Variants in SAGE1 observed in about 807,000 individuals in gnomAD.
SAGE1 encodes sarcoma antigen 1.
In SAGE1, 55 loss-of-function variants were observed where a neutral mutation model predicts 55.4. The observed-to-expected ratio is 0.99, with a 90% CI of 0.80 to 1.24. The LOEUF is 1.24. Ranked by LOEUF, SAGE1 falls within the 50% of genes most tolerant of loss-of-function variation. The probability of loss-of-function intolerance (pLI) is 0.00; values close to 1 mark genes in which losing one functional copy is unlikely to be tolerated. For missense variants in SAGE1, 710 were observed against 704.4 expected, an observed-to-expected ratio of 1.01 and a Z score of -0.09; for synonymous variants, 240 against 244.3, an observed-to-expected ratio of 0.98 and a Z score of 0.17.
chrX:135,911,981 G>A, intron 18 of SAGE1, 28 bp downstream of exon 18: 1 of 1,199,236 alleles, frequency 8.3e-7, no homozygotes, highest in Non-Finnish European at 1.1e-6. Flanking sequence ...GTCTATCAAT[G>A]AAAGCATGAG....
At chrX:135,898,347 T>C (rs1428225781) in intron 2 of SAGE1, among the ~76,000 whole-genome samples, 1 of 112,689 alleles carries the variant, frequency 8.9e-6, no homozygotes, top group African/African-American at 3.2e-5. Flanking sequence ...GGCTGCATAG[T>C]ATTCCGTGGT....
At chrX:135,912,744 T>C in intron 19 of SAGE1, 54 bp from the exon 20 acceptor site, 1 of 1,186,010 alleles carries the variant, frequency 8.4e-7, no homozygotes, top group Non-Finnish European at 1.1e-6. Context: ...ACCTCTTACA[T>C]CTCATAGATC....
intron 2 of SAGE1, 109 bp from the exon 3 acceptor site, chrX:135,901,450 A>G (rs1219361683): frequency 3.7e-6 from 3 of 807,166 alleles, no homozygotes; most frequent in East Asian, 3.3e-5. Context: ...ACCTGTGACT[A>G]AAACTTACAT....
rs782814819 is a variant in SAGE1, at chrX:135,899,435, C to T, written c.88-2124C>T. 2.7e-5 allele frequency among the ~76,000 whole-genome samples: 3 copies of T among 112,092 alleles called. No homozygotes were observed. The South Asian group carries it at 1.1e-3, about 42-fold the overall frequency. On this transcript the variant is annotated intron_variant, in intron 2 of 19. Transcript: ENST00000370709. ...TTGAAGTTAGGTAGCGTGATGCCTC[C>T]AGCTTTGTTCTTATTGCTTAGGATT... is the stretch of plus-strand genomic sequence containing the variant.
chrX:135,912,267 A>G, intron 18 of SAGE1, 54 bp from the exon 19 acceptor site: 2 of 1,169,342 alleles, frequency 1.7e-6, no homozygotes, highest in Non-Finnish European at 2.3e-6. Context: ...ACTAAGATTG[A>G]GGTATATTTC....
intron 1 of SAGE1, among the ~76,000 whole-genome samples, chrX:135,895,331 T>C (rs2088569300): frequency 8.9e-6 from 1 of 112,043 alleles, no homozygotes; most frequent in African/African-American, 3.2e-5. Flanking sequence ...TTGGCAACAG[T>C]TTACAAACCC....
intron 2 of SAGE1, among the ~76,000 whole-genome samples, chrX:135,898,720 G>GTTT (rs1556595063): frequency 3.6e-5 from 4 of 112,043 alleles, no homozygotes; most frequent in Non-Finnish European, 7.5e-5. Context: ...TTGTGGTTTC[G>GTTT]AGTTGCATTT....
intron 4 of SAGE1, 41 bp downstream of exon 4, chrX:135,904,610 A>AGATCTGTGTATGTC (rs782565736): frequency 4.5e-5 from 40 of 895,628 alleles, no homozygotes; most frequent in Admixed American, 1.1e-4. Context: ...TGAGTATGAA[A>AGATCTGTGTATGTC]TTCATCCATG....
intron 2 of SAGE1, among the ~76,000 whole-genome samples, chrX:135,897,291 C>G (rs1275057415): frequency 1.7e-4 from 19 of 112,546 alleles, no homozygotes; most frequent in Non-Finnish European, 2.8e-4. Flanking sequence ...TGCATCTGCA[C>G]TAGGACACAA....
chrX:135,912,694 G>A (rs906351328), intron 19 of SAGE1, 104 bp from the exon 20 acceptor site: 1 of 1,120,428 alleles, frequency 8.9e-7, no homozygotes, highest in African/African-American at 1.8e-5. Flanking sequence ...TGCATTTTCT[G>A]TTTGCATGTA....
chrX:135,901,519 G>A (rs2088680155), intron 2 of SAGE1, 40 bp from the exon 3 acceptor site: 2 of 1,185,468 alleles, frequency 1.7e-6, no homozygotes, highest in Non-Finnish European at 2.3e-6. Flanking sequence ...GCAGTGGTTG[G>A]ATTTGTCTTT....
At chrX:135,909,069 G>C in intron 13 of SAGE1, 65 bp downstream of exon 13, 1 of 1,014,672 alleles carries the variant, frequency 9.9e-7, no homozygotes, top group Non-Finnish European at 1.4e-6. Flanking sequence ...TTTCATGAAG[G>C]GTAGATGTGG....
In SAGE1 at chrX:135,910,138, C is replaced by G. The variant is rs2088870018; in HGVS notation, c.1832C>G (p.Thr611Ser). Residue 611 changes from threonine to serine, a missense_variant, in exon 15 of 20, where the codon ACT becomes AGT. Physicochemically the swap from Thr to Ser is moderately conservative, Grantham distance 58. Transcript: ENST00000370709. ...CCAGCATTTATTAATATGGCAGCAA[C>G]TGGTGTTTCATCCATGAGTACCAGG... Reference protein sequence around the residue: ...VPPAFINMAATGVSSMSTRDQ... With the variant: ...VPPAFINMAASGVSSMSTRDQ... The G allele has an allele frequency of 8.3e-7, 1 of 1,206,962 alleles. No homozygotes were observed. The highest frequency in any genetic ancestry group is 1.8e-5 in the African/African-American group (1 of 57,130).
chrX:135,905,936 TC>T, intron 5 of SAGE1, 87 bp from the exon 6 acceptor site: 1 of 801,814 alleles, frequency 1.2e-6, no homozygotes, highest in Non-Finnish European at 1.8e-6. Context: ...TGGGATAATT[TC>T]CTAGAAACTG....
Position 135,912,901 on chromosome X carries a change from T to C in SAGE1, c.*4T>C. 1 of 1,134,227 alleles carries C rather than the reference T, an allele frequency of 8.8e-7. No individual in the cohort carries two copies. The highest frequency in any genetic ancestry group is 1.8e-5 in the African/African-American group (1 of 56,338). 93.5% of individuals were successfully genotyped at this position (1,134,227 alleles called of 1,213,427 possible). A position where few individuals can be genotyped will look rare whatever the true frequency, so the allele number is the denominator to read the frequency against. ...TAAGCACATGAGAAAAAGATAATTG[T>C]GTTAGTGCAAAGACCAAGGAGAAAC... On this transcript the variant is annotated 3_prime_UTR_variant, in exon 20 of 20. Transcript: ENST00000370709.
At chrX:135,895,626 T>C (rs6528306) in intron 1 of SAGE1, among the ~76,000 whole-genome samples, 23,946 of 111,221 alleles carry the variant, frequency 0.22, 2,016 homozygotes, top group Non-Finnish European at 0.26. Flanking sequence ...CAGAGTGTTC[T>C]AGTCACACAC....
At chrX:135,902,777 T>C (rs1418955245) in intron 3 of SAGE1, among the ~76,000 whole-genome samples, 2 of 111,738 alleles carry the variant, frequency 1.8e-5, no homozygotes, top group African/African-American at 3.3e-5. Flanking sequence ...CATTTCCCAT[T>C]TCTTAGCAAG....
chrX:135,898,956 T>C (rs782211818), intron 2 of SAGE1, among the ~76,000 whole-genome samples: 1 of 112,485 alleles, frequency 8.9e-6, no homozygotes. Flanking sequence ...CTATTCACTC[T>C]GATGATAGTT....
Position 135,908,494 on chromosome X carries a change from C to T in SAGE1, c.1318C>T (p.His440Tyr). 1 of 1,205,305 alleles carries T rather than the reference C, an allele frequency of 8.3e-7. No homozygotes were observed. Among genetic ancestry groups the T allele is most frequent in the Non-Finnish European group, 1.1e-6 (1 of 893,032 alleles). ...TRDQYATVNH[H>Y]VHEARMENGQ... ...GTTTCTAGATGCTACCGTCAATCAC[C>T]ATGTCCATGAAGCAAGGATGGAAAA... Residue 440 changes from histidine to tyrosine, a missense_variant, in exon 12 of 20, where the codon CAT (histidine) becomes TAT (tyrosine). Transcript: ENST00000370709.
Sources: allele counts gnomAD v4.1 joint callset (sites outside exome capture counted in the v4.1 genomes callset), GRCh38; gene constraint gnomAD v4.1.1; transcripts MANE v1.5; gene names NCBI Gene and HGNC (gene_info 2026-07-23, HGNC 2026-07-21).